Variants in SEMA3D observed in about 807,000 individuals in gnomAD.
SEMA3D encodes semaphorin-3D.
SEMA3D carries 84 observed loss-of-function variants against 100.1 expected under a neutral mutation model. The ratio of observed to expected loss-of-function variants is 0.84; its 90% CI spans 0.70 to 1.01. The LOEUF is 1.01. Among genes scored for constraint, SEMA3D ranks in the 50% least tolerant of loss-of-function variants. The pLI, the probability that SEMA3D is intolerant of heterozygous loss-of-function variation, is 0.00. For synonymous variants in SEMA3D, 312 were observed against 320.7 expected (o/e 0.97, Z 0.29); for missense variants, 875 against 934.1 (o/e 0.94, Z 0.82).
intron 7 of SEMA3D, among the ~76,000 whole-genome samples, chr7:85,066,515 T>C (rs1329016593): frequency 6.7e-6 from 1 of 148,616 alleles, no homozygotes; most frequent in African/African-American, 2.5e-5. Flanking sequence ...TGGGAAGGGG[T>C]GGGGCGGAGG....
intron 3 of SEMA3D, among the ~76,000 whole-genome samples, chr7:85,105,147 C>A (rs1294896282): frequency 2.0e-5 from 3 of 152,046 alleles, no homozygotes; most frequent in African/African-American, 7.2e-5. Flanking sequence ...AAAAACGTTT[C>A]TCTTTAAGCC....
At position 84,999,362 on chromosome 7, in the gene SEMA3D, A is replaced by G. The variant is rs1789587127; in HGVS notation, c.*78T>C. 1 of 1,108,570 alleles carries G rather than the reference A, an allele frequency of 9.0e-7. No homozygotes were observed. Among genetic ancestry groups the G allele is most frequent in the African/African-American group, 1.6e-5 (1 of 63,728 alleles). 68.7% of individuals were successfully genotyped at this position (1,108,570 alleles called of 1,614,324 possible). ...AAAACTCCATGGGAAGCATTTATGA[A>G]TTACTATAAGGGATATACAAAACAG... is the stretch of plus-strand genomic sequence containing the variant. On this transcript the variant is annotated 3_prime_UTR_variant, in exon 19 of 19. Coordinates refer to ENST00000284136, the MANE Select transcript of SEMA3D (RefSeq NM_001384900.1).
intron 15 of SEMA3D, among the ~76,000 whole-genome samples, chr7:85,016,999 G>C (rs1052382502): frequency 6.6e-6 from 1 of 151,456 alleles, no homozygotes; most frequent in Admixed American, 6.6e-5. Flanking sequence ...GCCTAATCTT[G>C]TTCTGTCTTA....
intron 4 of SEMA3D, among the ~76,000 whole-genome samples, chr7:85,095,851 T>C (rs528315003): frequency 6.6e-6 from 1 of 152,142 alleles, no homozygotes; most frequent in East Asian, 1.9e-4. Context: ...TTCATAAACA[T>C]TTACTTTTTA....
intron 1 of SEMA3D, among the ~76,000 whole-genome samples, chr7:85,157,176 T>A (rs891485503): frequency 6.6e-6 from 1 of 152,180 alleles, no homozygotes; most frequent in Non-Finnish European, 1.5e-5. Context: ...TTTGTAATAA[T>A]AAAATTTCAT....
upstream of SEMA3D, among the ~76,000 whole-genome samples, chr7:85,187,817 A>T (rs922157804): frequency 6.6e-6 from 1 of 152,220 alleles, no homozygotes; most frequent in Non-Finnish European, 1.5e-5. Context: ...TATGACAATG[A>T]GAGTTCATGA....
At chr7:85,176,141 T>C (rs987234693) in intron 1 of SEMA3D, among the ~76,000 whole-genome samples, 1 of 152,158 alleles carries the variant, frequency 6.6e-6, no homozygotes, top group Middle Eastern at 3.2e-3. Context: ...AAATTGAGTA[T>C]GCATTTAAAA....
At chr7:85,196,590 A>G in the SEMA3D span, among the ~76,000 whole-genome samples, 1 of 152,280 alleles carries the variant, frequency 6.6e-6, no homozygotes, top group East Asian at 1.9e-4. Flanking sequence ...CAGAATATGT[A>G]AAGGATTTAC....
intron 1 of SEMA3D, among the ~76,000 whole-genome samples, chr7:85,176,807 G>C (rs1008759401): frequency 6.6e-6 from 1 of 151,186 alleles, no homozygotes; most frequent in East Asian, 1.9e-4. Flanking sequence ...GAGAGAGAGA[G>C]AGAGAGAGAA....
chr7:85,187,948 C>T (rs1791608461), upstream of SEMA3D, among the ~76,000 whole-genome samples: 1 of 152,138 alleles, frequency 6.6e-6, no homozygotes, highest in Non-Finnish European at 1.5e-5. Flanking sequence ...ACACACCTTG[C>T]CCTTAGTCCC....
At chr7:85,186,143 C>T (rs551445905) in intron 1 of SEMA3D, among the ~76,000 whole-genome samples, 23 of 152,338 alleles carry the variant, frequency 1.5e-4, no homozygotes, top group Middle Eastern at 3.4e-3. Flanking sequence ...TTCTTCCTTG[C>T]CCCTTTCCCT....
intron 1 of SEMA3D, among the ~76,000 whole-genome samples, chr7:85,155,329 A>G (rs1159707925): frequency 1.3e-5 from 2 of 152,208 alleles, no homozygotes; most frequent in East Asian, 3.8e-4. Context: ...ATATATAACT[A>G]AATAGATGTC....
the SEMA3D span, among the ~76,000 whole-genome samples, chr7:85,248,107 G>C: frequency 2.0e-5 from 3 of 151,984 alleles, no homozygotes; most frequent in East Asian, 5.8e-4. Flanking sequence ...TGAAATATGT[G>C]AAGAACTCTT....
At chr7:85,247,446 T>G in the SEMA3D span, among the ~76,000 whole-genome samples, 1 of 152,122 alleles carries the variant, frequency 6.6e-6, no homozygotes, top group African/African-American at 2.4e-5. Flanking sequence ...TAAGACATCA[T>G]GTGCACAAAC....
At chr7:85,159,318 G>T (rs1267858608) in intron 1 of SEMA3D, among the ~76,000 whole-genome samples, 1 of 152,084 alleles carries the variant, frequency 6.6e-6, no homozygotes, top group Non-Finnish European at 1.5e-5. Flanking sequence ...AAACACTCCA[G>T]GTGGTAGGAC....
intron 7 of SEMA3D, among the ~76,000 whole-genome samples, chr7:85,066,890 G>GCACACACACACACACACACACACACA (rs1265828830): frequency 3.0e-5 from 3 of 100,708 alleles, no homozygotes; most frequent in African/African-American, 1.6e-4. Flanking sequence ...GGAAATGTGC[G>GCACACACACACACACACACACACACA]CTCACACACA....
rs1016291860 is a variant in SEMA3D at position 85,157,641 on chromosome 7, G to A, written c.-172-3902C>T. On this transcript the variant is annotated intron_variant, in intron 1 of 18. Transcript: ENST00000284136. Reference sequence around the variant, plus strand: ...TAAATAAATTGCATCAGTTTATGCCGTACATACATCAACATTGTTTGGGGA... The same window carrying A: ...TAAATAAATTGCATCAGTTTATGCCATACATACATCAACATTGTTTGGGGA... 3.1e-5 allele frequency: 30 copies of A among 981,138 alleles called. No individual in the cohort carries two copies. The Admixed American group carries it at 3.1e-4, about 10-fold the overall frequency. The allele number at this position is 981,138 out of a possible 1,614,324, so 60.8% of individuals were successfully genotyped here. A position where few individuals can be genotyped will look rare whatever the true frequency, so the allele number is the denominator to read the frequency against.
chr7:85,047,893 T>A (rs1251143810), intron 9 of SEMA3D, among the ~76,000 whole-genome samples: 1 of 151,886 alleles, frequency 6.6e-6, no homozygotes, highest in Non-Finnish European at 1.5e-5. Flanking sequence ...AGCAAGAGAA[T>A]GAAATTCTCA....
rs1435632496 is a variant in SEMA3D, at chr7:85,036,782, T to C, written c.1191+107A>G. On this transcript the variant is annotated intron_variant, in intron 12 of 18. Transcript: ENST00000284136. ...GCTAATACTTCACTGCAAATAAATG[T>C]TATTACAGCACATGTGGCTCTGGTG... 18 of 832,258 alleles carry C rather than the reference T, an allele frequency of 2.2e-5. No individual in the cohort carries two copies. In the African/African-American group the frequency reaches 3.1e-4, roughly 14 times the overall value. The allele number at this position is 832,258 out of a possible 1,614,324, so 51.6% of individuals were successfully genotyped here. A position where few individuals can be genotyped will look rare whatever the true frequency, so the allele number is the denominator to read the frequency against.
Sources: allele counts gnomAD v4.1 joint callset (sites outside exome capture counted in the v4.1 genomes callset), GRCh38; gene constraint gnomAD v4.1.1; transcripts MANE v1.5; gene names NCBI Gene and HGNC (gene_info 2026-07-23, HGNC 2026-07-21).